ARHGEF12: variants seen among roughly 807,000 people sequenced by gnomAD.
ARHGEF12 encodes Rho guanine nucleotide exchange factor 12, also known as KMT2A/ARHGEF12 fusion protein.
In ARHGEF12, 66 loss-of-function variants were observed where a neutral mutation model predicts 211.2. The observed-to-expected ratio is 0.31, with a 90% CI of 0.26 to 0.38. The LOEUF (loss-of-function observed/expected upper bound fraction) is 0.38. Among genes scored for constraint, ARHGEF12 ranks in the 10% least tolerant of loss-of-function variants. The pLI is 1.00. For missense variants in ARHGEF12, 1,429 were observed against 1,869.5 expected, an observed-to-expected ratio of 0.76 and a Z score of 4.34; for synonymous variants, 592 against 638.4, an observed-to-expected ratio of 0.93 and a Z score of 1.09.
chr11:120,391,268 A>T (rs1463504887), intron 1 of ARHGEF12, among the ~76,000 whole-genome samples: 1 of 152,150 alleles, frequency 6.6e-6, no homozygotes, highest in Non-Finnish European at 1.5e-5. Context: ...CCACAGAATG[A>T]TTTTTTTCTA....
rs1942369955 is a variant in ARHGEF12 at position 120,337,004 on chromosome 11, ACTCTGGACTGACTCGCT to A, written c.-238_-222del. The A allele has an allele frequency of 3.4e-6, 2 of 589,442 alleles. No homozygotes were observed. Among genetic ancestry groups the A allele is most frequent in the Non-Finnish European group, 6.1e-6 (2 of 330,040 alleles). The allele number at this position is 589,442 out of a possible 1,614,324, so 36.5% of individuals were successfully genotyped here. ...GGAGGATTTCTCTCTAGCTCGACTC[ACTCTGGACTGACTCGCT>A]CCCTGGCTTTCTCAGTTCGTTTTGG... On this transcript the variant is annotated 5_prime_UTR_variant, in exon 1 of 41. Transcript: ENST00000397843.
intron 1 of ARHGEF12, among the ~76,000 whole-genome samples, chr11:120,373,919 T>C (rs1213627875): frequency 6.6e-6 from 1 of 152,228 alleles, no homozygotes; most frequent in Non-Finnish European, 1.5e-5. Flanking sequence ...GTGATTCCCC[T>C]GCCTCAGCTT....
At chr11:120,363,817 G>T (rs973221287) in intron 1 of ARHGEF12, among the ~76,000 whole-genome samples, 1 of 152,212 alleles carries the variant, frequency 6.6e-6, no homozygotes, top group African/African-American at 2.4e-5. Context: ...AAGATGGTTG[G>T]TAGAGAGGGG....
chr11:120,465,199 T>G, intron 27 of ARHGEF12, 38 bp from the exon 28 acceptor site: 2 of 1,611,744 alleles, frequency 1.2e-6, no homozygotes, highest in Non-Finnish European at 1.7e-6. Flanking sequence ...AAGCTCAGTT[T>G]CCCATTCTCT....
chr11:120,377,664 T>C (rs191255957), intron 1 of ARHGEF12, among the ~76,000 whole-genome samples: 33 of 152,216 alleles, frequency 2.2e-4, no homozygotes, highest in African/African-American at 7.9e-4. Context: ...CTTAATACTT[T>C]TCAGATGCAT....
intron 1 of ARHGEF12, among the ~76,000 whole-genome samples, chr11:120,356,666 C>G (rs866091244): frequency 1.3e-5 from 2 of 152,170 alleles, no homozygotes; most frequent in Admixed American, 1.3e-4. Context: ...CTGCAATTTT[C>G]TGACCATGTA....
chr11:120,432,390 A>C lies in ARHGEF12; in HGVS notation c.924+479A>C, dbSNP rs115208637. 4.0e-3 allele frequency among the ~76,000 whole-genome samples: 602 copies of C among 152,354 alleles called. 2 individuals are homozygous for C. The highest frequency in any genetic ancestry group is 0.014 in the African/African-American group (584 of 41,588). On this transcript the variant is annotated intron_variant, in intron 11 of 40. Coordinates refer to ENST00000397843, the MANE Select transcript of ARHGEF12 (RefSeq NM_015313.3). ...GACAGCACTTTCTTGATTAACCCAG[A>C]AACTGCCAGATGAACATGACTATCT...
rs1947470092 is a variant in ARHGEF12, at chr11:120,489,062, T to C, written c.*3985T>C. 5 of 220,732 alleles carry C rather than the reference T, an allele frequency of 2.3e-5. No individual in the cohort carries two copies. The highest frequency in any genetic ancestry group is 4.5e-5 in the Non-Finnish European group (5 of 109,966). 13.7% of individuals were successfully genotyped at this position (220,732 alleles called of 1,614,324 possible). A position where few individuals can be genotyped will look rare whatever the true frequency, so the allele number is the denominator to read the frequency against. On this transcript the variant is annotated 3_prime_UTR_variant, in exon 41 of 41. Transcript: ENST00000397843. Reference sequence around the variant, plus strand: ...ATGTGACTTTTTATTTGTATTCTGGTTGATTTGTCTTGTCCAAGTTATATT... The same window carrying C: ...ATGTGACTTTTTATTTGTATTCTGGCTGATTTGTCTTGTCCAAGTTATATT...
chr11:120,460,205 A>G (rs557574588), intron 26 of ARHGEF12, among the ~76,000 whole-genome samples: 7 of 152,254 alleles, frequency 4.6e-5, no homozygotes, highest in Non-Finnish European at 8.8e-5. Context: ...ATCACTAACT[A>G]TCAACATCTG....
At position 120,460,769 on chromosome 11, in the gene ARHGEF12, TTC is replaced by T. The variant is rs773724555; in HGVS notation, c.2613+14_2613+15del. The T allele has an allele frequency of 1.2e-6, 2 of 1,605,974 alleles. No individual in the cohort carries two copies. Among genetic ancestry groups the T allele is most frequent in the South Asian group, 1.1e-5 (1 of 90,456 alleles). ...ATTTGCTGACATGGGTAAGGAAATTTTCTGTTTCTTTTTAATATTTTTATGGA... is the reference window on the plus strand; with the variant it reads ...ATTTGCTGACATGGGTAAGGAAATTTTGTTTCTTTTTAATATTTTTATGGA... On this transcript the variant is annotated intron_variant, in intron 27 of 40. Transcript: ENST00000397843.
At chr11:120,357,908 T>C (rs1943171955) in intron 1 of ARHGEF12, among the ~76,000 whole-genome samples, 1 of 152,094 alleles carries the variant, frequency 6.6e-6, no homozygotes, top group South Asian at 2.1e-4. Context: ...GTGAAATAGC[T>C]CACATTTTCA....
At chr11:120,471,459 G>T (rs1389775914) in intron 30 of ARHGEF12, among the ~76,000 whole-genome samples, 2 of 152,186 alleles carry the variant, frequency 1.3e-5, no homozygotes, top group African/African-American at 4.8e-5. Context: ...GGATGAGGAG[G>T]TAGAAATTAA....
chr11:120,456,673 C>G (rs191495184), intron 22 of ARHGEF12, among the ~76,000 whole-genome samples: 1 of 152,200 alleles, frequency 6.6e-6, no homozygotes, highest in South Asian at 2.1e-4. Flanking sequence ...CTATTTCTTA[C>G]GTTAATTTTT....
intron 27 of ARHGEF12, chr11:120,463,525 C>CAAAAAAAAAA (rs11315620): frequency 1.2e-5 from 1 of 81,676 alleles, no homozygotes; most frequent in African/African-American, 4.3e-5. Flanking sequence ...AACTCAGTCT[C>CAAAAAAAAAA]AAAAAAAAAA....
chr11:120,464,754 C>G (rs1008998205), intron 27 of ARHGEF12: 3 of 154,070 alleles, frequency 1.9e-5, no homozygotes, highest in African/African-American at 7.2e-5. Context: ...CGCCTGTAAT[C>G]CCAGCACTTT....
chr11:120,465,578 T>C (rs1206773866), intron 28 of ARHGEF12, among the ~76,000 whole-genome samples: 1 of 152,172 alleles, frequency 6.6e-6, no homozygotes, highest in Non-Finnish European at 1.5e-5. Flanking sequence ...GCGATTCTCC[T>C]GCCTCAGCCT....
intron 15 of ARHGEF12, among the ~76,000 whole-genome samples, chr11:120,443,021 C>CTTTT (rs371200953): frequency 3.7e-5 from 5 of 133,700 alleles, no homozygotes; most frequent in Admixed American, 7.7e-5. Context: ...GAGTGACTGT[C>CTTTT]TTTTTTTTTT....
At chr11:120,347,229 T>C (rs1162084885) in intron 1 of ARHGEF12, among the ~76,000 whole-genome samples, 1 of 143,786 alleles carries the variant, frequency 7.0e-6, no homozygotes, top group Admixed American at 7.3e-5. Context: ...TCTTTCTTTC[T>C]CTCTGTCTCT....
chr11:120,442,637 G>A (rs188792262), intron 15 of ARHGEF12, among the ~76,000 whole-genome samples: 1 of 152,008 alleles, frequency 6.6e-6, no homozygotes. Context: ...TGGCAGAAAA[G>A]ATTTCACTTA....
Sources: allele counts gnomAD v4.1 joint callset (sites outside exome capture counted in the v4.1 genomes callset), GRCh38; gene constraint gnomAD v4.1.1; transcripts MANE v1.5; gene names NCBI Gene and HGNC (gene_info 2026-07-23, HGNC 2026-07-21).